The following PLA2G4C variants were observed in gnomAD, a reference collection of about 807,000 sequenced individuals.
PLA2G4C encodes the protein cytosolic phospholipase A2 gamma.
Under a neutral mutation model 73.8 loss-of-function variants are expected in PLA2G4C, and 64 were observed. The observed-to-expected ratio is 0.87, with a 90% confidence interval of 0.71 to 1.07. The LOEUF (loss-of-function observed/expected upper bound fraction) is 1.07. Among genes scored for constraint, PLA2G4C ranks in the 50% least tolerant of loss-of-function variants. The pLI, the probability that PLA2G4C is intolerant of heterozygous loss-of-function variation, is 0.00. For synonymous variants in PLA2G4C, 254 were observed against 252.1 expected, an observed-to-expected ratio of 1.01 and a Z score of -0.07; for missense variants, 622 against 665.4, an observed-to-expected ratio of 0.93 and a Z score of 0.72.
In PLA2G4C at chr19:48,110,696, G is replaced by C. The variant is rs986596178; in HGVS notation, c.-242C>G. On this transcript the variant is annotated 5_prime_UTR_variant, in exon 1 of 17. Transcript: ENST00000599921. ...TTTTCCCCCTGTGGGAGGAGGTCGC[G>C]GGCTGGAGGTGTTTCCTCCTGGTCC... The C allele has an allele frequency of 1.9e-6, 1 of 520,064 alleles. No individual in the cohort carries two copies. The highest frequency in any genetic ancestry group is 2.0e-5 in the African/African-American group (1 of 49,880). 32.2% of individuals were successfully genotyped at this position (520,064 alleles called of 1,614,324 possible). A position where few individuals can be genotyped will look rare whatever the true frequency, so the allele number is the denominator to read the frequency against.
At chr19:48,075,776 A>G (rs940505777) in intron 11 of PLA2G4C, among the ~76,000 whole-genome samples, 1 of 151,894 alleles carries the variant, frequency 6.6e-6, no homozygotes, top group Non-Finnish European at 1.5e-5. Flanking sequence ...TGGGGTTGCC[A>G]TTTCTTTTTT....
rs1167666380 is a variant in PLA2G4C at position 48,097,564 on chromosome 19, T to C, written c.568+575A>G. ...ACTGCGCCCGGCCCCTTTTTGTCTTTTGTCCCTCCTCTCCTCTGTTTTCTT... is the reference window on the plus strand; with the variant it reads ...ACTGCGCCCGGCCCCTTTTTGTCTTCTGTCCCTCCTCTCCTCTGTTTTCTT... On this transcript the variant is annotated intron_variant, in intron 6 of 16. Transcript: ENST00000599921. Among the ~76,000 whole-genome samples, 3 of 151,326 alleles carry C rather than the reference T, an allele frequency of 2.0e-5. No homozygotes were observed. The East Asian group carries it at 6.0e-4, about 30-fold the overall frequency.
intron 1 of PLA2G4C, chr19:48,108,980 A>T (rs2032360899): frequency 6.6e-6 from 1 of 152,158 alleles, no homozygotes. Context: ...CAATCTCTCA[A>T]CAAGGACTGG....
chr19:48,095,324 C>T (rs981974251), intron 7 of PLA2G4C, 140 bp downstream of exon 7: 15 of 753,018 alleles, frequency 2.0e-5, no homozygotes, highest in Non-Finnish European at 3.1e-5. Flanking sequence ...ATACACCATT[C>T]CTCTTTCTGG....
At chr19:48,105,145 G>T (rs4801748) in intron 3 of PLA2G4C, among the ~76,000 whole-genome samples, 188 bp downstream of exon 3, 1 of 149,592 alleles carries the variant, frequency 6.7e-6, no homozygotes, top group Non-Finnish European at 1.5e-5. Context: ...GGAGGAGAAG[G>T]AGGAGACCTA....
intron 6 of PLA2G4C, among the ~76,000 whole-genome samples, chr19:48,096,136 G>A (rs879587952): frequency 4.6e-5 from 7 of 151,980 alleles, no homozygotes; most frequent in Non-Finnish European, 1.0e-4. Flanking sequence ...CCTGGTCTGG[G>A]GATGATGTAG....
chr19:48,106,159 T>C (rs11564520), intron 2 of PLA2G4C, among the ~76,000 whole-genome samples: 19,073 of 149,848 alleles, frequency 0.13, 1,267 homozygotes, highest in African/African-American at 0.15. Context: ...CATAGCTTAC[T>C]GCAGCCTTGA....
intron 10 of PLA2G4C, among the ~76,000 whole-genome samples, chr19:48,078,352 G>A (rs1341132328): frequency 2.6e-5 from 4 of 152,104 alleles, no homozygotes; most frequent in African/African-American, 9.7e-5. Context: ...ACATAGTACT[G>A]GAAGTCCTAG....
chr19:48,071,695 C>T (rs1364467453), intron 12 of PLA2G4C, among the ~76,000 whole-genome samples: 4 of 151,880 alleles, frequency 2.6e-5, no homozygotes, highest in Non-Finnish European at 5.9e-5. Context: ...GCGACCCTCC[C>T]GCCTCAGCCT....
At chr19:48,055,416 T>TATATA (rs1178938999) in intron 14 of PLA2G4C, among the ~76,000 whole-genome samples, 4 of 149,512 alleles carry the variant, frequency 2.7e-5, no homozygotes, top group African/African-American at 7.5e-5. Context: ...TATATTTCAA[T>TATATA]TAGCCAGGCA....
In PLA2G4C at chr19:48,095,624, G is replaced by A. The variant is rs373594936; in HGVS notation, c.569-20C>T. On this transcript the variant is annotated intron_variant, in intron 6 of 16. Transcript: ENST00000599921. ...AGGTCTCTGCAGAGGAAATACAACG[G>A]CAAGTGAGTCCCAGCACAGAACCAG... 2.3e-4 allele frequency: 365 copies of A among 1,613,278 alleles called. No homozygotes were observed. The highest frequency in any genetic ancestry group is 3.0e-4 in the Non-Finnish European group (355 of 1,179,392).
chr19:48,055,643 T>TCTTTC (rs1032186871), intron 14 of PLA2G4C, among the ~76,000 whole-genome samples: 5 of 151,500 alleles, frequency 3.3e-5, no homozygotes, highest in African/African-American at 1.2e-4. Flanking sequence ...AAGGTACTTT[T>TCTTTC]CTTTTCTTAT....
intron 6 of PLA2G4C, chr19:48,096,796 T>C (rs1415826755): frequency 1.3e-5 from 2 of 152,074 alleles, no homozygotes; most frequent in Non-Finnish European, 2.9e-5. Context: ...AAAGAGAAAC[T>C]GGAATGTCTG....
chr19:48,087,112 G>T (rs937488037), intron 9 of PLA2G4C, among the ~76,000 whole-genome samples: 3 of 152,222 alleles, frequency 2.0e-5, no homozygotes, highest in Admixed American at 6.5e-5. Flanking sequence ...CTAGGGGAAT[G>T]GGGAGTGCAC....
rs756421266 is a variant in PLA2G4C, at chr19:48,048,348, C to T, written c.1621G>A (p.Ala541Thr). The T allele has an allele frequency of 1.2e-4, 196 of 1,598,226 alleles. 1 individual carries two copies. Among genetic ancestry groups the T allele is most frequent in the Non-Finnish European group, 1.6e-4 (185 of 1,174,870 alleles). Reference sequence around the variant, plus strand: ...CCCTGGAAGCTGAGGCTCATCTATGCCAAGCAGCAACTTCGGGCACTATCC... The same window carrying T: ...CCCTGGAAGCTGAGGCTCATCTATGTCAAGCAGCAACTTCGGGCACTATCC... ...PKDSARSCCL[A>T] Residue 541 changes from alanine (A) to threonine (T), a missense_variant, in exon 17 of 17, where the codon GCA becomes ACA. By Grantham distance (58) the Ala-to-Thr change is moderately conservative (BLOSUM62 0). Transcript: ENST00000599921.
chr19:48,048,488 T>G, intron 16 of PLA2G4C, 100 bp from the exon 17 acceptor site: 1 of 691,216 alleles, frequency 1.4e-6, no homozygotes, highest in Admixed American at 3.7e-5. Context: ...AGGTCATACA[T>G]GACTTAGGAG....
In PLA2G4C at chr19:48,087,936, CAA is replaced by C. The variant is rs75679224; in HGVS notation, c.790+748_790+749del. Among the ~76,000 whole-genome samples, 970 of 123,708 alleles carry C rather than the reference CAA, an allele frequency of 7.8e-3. 11 individuals are homozygous for C. Among genetic ancestry groups the C allele is most frequent in the African/African-American group, 0.024 (830 of 34,580 alleles). The allele number at this position is 123,708 out of a possible 152,430, so 81.2% of individuals were successfully genotyped here. A position where few individuals can be genotyped will look rare whatever the true frequency, so the allele number is the denominator to read the frequency against. On this transcript the variant is annotated intron_variant, in intron 9 of 16. Transcript: ENST00000599921. Reference sequence around the variant, plus strand: ...GGGCAACAAGAGCCAAACTCTGTCTCAAAAAAAAAAAAAAAAAATCTCGATGC... The same window carrying C: ...GGGCAACAAGAGCCAAACTCTGTCTCAAAAAAAAAAAAAAAATCTCGATGC...
At chr19:48,104,395 C>A (rs889784189) in intron 4 of PLA2G4C, 193 bp downstream of exon 4, 5 of 546,010 alleles carry the variant, frequency 9.2e-6, no homozygotes, top group Non-Finnish European at 1.6e-5. Flanking sequence ...GGACTGAGCC[C>A]CTTTCACCTG....
chr19:48,055,087 T>C, intron 14 of PLA2G4C, 38 bp from the exon 15 acceptor site: 1 of 229,452 alleles, frequency 4.4e-6, no homozygotes, highest in African/African-American at 3.6e-5. Flanking sequence ...GCAAGACCTC[T>C]CCAGAAGACC....
Sources: allele counts gnomAD v4.1 joint callset (sites outside exome capture counted in the v4.1 genomes callset), GRCh38; gene constraint gnomAD v4.1.1; transcripts MANE v1.5; gene names NCBI Gene and HGNC (gene_info 2026-07-23, HGNC 2026-07-21).